Variants in ANKRD28 observed in about 807,000 individuals in gnomAD.
ANKRD28 encodes ankyrin repeat domain 28.
ANKRD28 carries 44 observed loss-of-function variants against 126.5 expected under a neutral mutation model. That is an observed-to-expected ratio of 0.35 (90% CI 0.27 to 0.45). The LOEUF (loss-of-function observed/expected upper bound fraction) is 0.45, where lower values mean the gene tolerates loss of function less well. ANKRD28 is among the 20% of genes least tolerant of loss of function. The pLI, the probability that ANKRD28 is intolerant of heterozygous loss-of-function variation, is 1.00. For synonymous variants in ANKRD28, 442 were observed against 468.5 expected (o/e 0.94, Z 0.73); for missense variants, 1,110 against 1,316.6 (o/e 0.84, Z 2.43).
At chr3:15,737,508 A>G (rs2075099915) in intron 4 of ANKRD28, among the ~76,000 whole-genome samples, 1 of 152,256 alleles carries the variant, frequency 6.6e-6, no homozygotes, top group Non-Finnish European at 1.5e-5. Flanking sequence ...AAACATTCCT[A>G]TCAAAATGTG....
At chr3:15,707,796 A>AT in intron 14 of ANKRD28, 128 bp downstream of exon 14, 1 of 1,142,098 alleles carries the variant, frequency 8.8e-7, no homozygotes, top group Non-Finnish European at 1.2e-6. Flanking sequence ...TTCCCAAAAT[A>AT]GACTTAGGGC....
chr3:15,754,887 C>A (rs143436319), intron 3 of ANKRD28, among the ~76,000 whole-genome samples: 2 of 152,184 alleles, frequency 1.3e-5, no homozygotes, highest in East Asian at 1.9e-4. Context: ...GAGACCAAGG[C>A]GGGCAAATCA....
chr3:15,838,270 C>T lies in ANKRD28; in HGVS notation c.27+21107G>A, dbSNP rs2061361979. The stretch of plus-strand genomic sequence containing the variant: ...ACACTTTCTAATTCCCTCCATGAGG[C>T]TAACATTACCTTAATACCAAAGCCA... On this transcript the variant is annotated intron_variant, in intron 1 of 27. Transcript: ENST00000399451. This position sits in a 1 kb window ranked among gnomAD's most constrained non-coding sequence, Gnocchi z 4.0. Among the ~76,000 whole-genome samples the T allele has an allele frequency of 6.6e-6, 1 of 152,156 alleles. No individual in the cohort carries two copies. Among genetic ancestry groups the T allele is most frequent in the African/African-American group, 2.4e-5 (1 of 41,432 alleles).
At chr3:15,778,679 T>C (rs893782613) in intron 2 of ANKRD28, among the ~76,000 whole-genome samples, 1 of 152,170 alleles carries the variant, frequency 6.6e-6, no homozygotes, top group Non-Finnish European at 1.5e-5. Flanking sequence ...TTCATGTGAT[T>C]AGGGCACACC....
At position 15,814,671 on chromosome 3, in the gene ANKRD28, T is replaced by C. The variant is rs2060796133; in HGVS notation, c.28-19365A>G. On this transcript the variant is annotated intron_variant, in intron 1 of 27. Coordinates refer to the ANKRD28 transcript ENST00000399451. This position sits in a 1 kb window ranked among gnomAD's most constrained non-coding sequence, Gnocchi z 4.7. ...TACACACACAAACTTTTCAAATGCA[T>C]TCACTAATAATATATTCAGTTACTT... Among the ~76,000 whole-genome samples, 2 of 151,864 alleles carry C rather than the reference T, an allele frequency of 1.3e-5. No homozygotes were observed. Among genetic ancestry groups the C allele is most frequent in the Non-Finnish European group, 2.9e-5 (2 of 67,884 alleles).
chr3:15,760,758 G>C (rs979775095), intron 3 of ANKRD28, among the ~76,000 whole-genome samples: 4 of 152,140 alleles, frequency 2.6e-5, no homozygotes, highest in Non-Finnish European at 5.9e-5. Flanking sequence ...TAAAAACCTA[G>C]AAATAACAAA....
intron 6 of ANKRD28, chr3:15,732,949 G>A (rs2074749281): frequency 6.6e-6 from 1 of 152,270 alleles, no homozygotes; most frequent in South Asian, 2.1e-4. Context: ...CCGATCACCT[G>A]AAGTCAGGAG....
At chr3:15,711,853 AT>A (rs1164091794) in intron 11 of ANKRD28, among the ~76,000 whole-genome samples, 9 of 126,976 alleles carry the variant, frequency 7.1e-5, no homozygotes, top group African/African-American at 1.8e-4. Flanking sequence ...CGCCCAGCTA[AT>A]TTTTTTTTGT....
chr3:15,759,465 T>C (rs1053645905), intron 3 of ANKRD28, among the ~76,000 whole-genome samples: 3 of 152,212 alleles, frequency 2.0e-5, no homozygotes, highest in African/African-American at 7.2e-5. Flanking sequence ...CTAGTATTAC[T>C]ATAGATTCTA....
intron 6 of ANKRD28, among the ~76,000 whole-genome samples, chr3:15,728,694 T>A (rs1012067129): frequency 2.6e-5 from 4 of 152,214 alleles, no homozygotes; most frequent in African/African-American, 9.6e-5. Context: ...AAACTCACAA[T>A]CTCTCTGATC....
intron 1 of ANKRD28, among the ~76,000 whole-genome samples, chr3:15,855,638 A>G (rs1435962736): frequency 6.6e-6 from 1 of 152,220 alleles, no homozygotes; most frequent in East Asian, 1.9e-4. Context: ...CGTGCACAAC[A>G]TGGAAGAACC....
chr3:15,677,907 G>A (rs1339915313), intron 24 of ANKRD28, among the ~76,000 whole-genome samples: 1 of 152,052 alleles, frequency 6.6e-6, no homozygotes, highest in African/African-American at 2.4e-5. Flanking sequence ...TTTTATAAAT[G>A]AGAAAACTGA....
chr3:15,762,588 G>A (rs1009383539), intron 3 of ANKRD28, among the ~76,000 whole-genome samples: 1 of 151,862 alleles, frequency 6.6e-6, no homozygotes, highest in Non-Finnish European at 1.5e-5. Flanking sequence ...CCCCCAGTAG[G>A]TAAGTCATTC....
chr3:15,784,501 TA>T (rs74656464), intron 2 of ANKRD28, among the ~76,000 whole-genome samples: 20,771 of 148,006 alleles, frequency 0.14, 2,143 homozygotes, highest in East Asian at 0.58. Flanking sequence ...GACATTTACT[TA>T]AAAAAAAAAG....
chr3:15,806,338 C>T (rs560927253), intron 1 of ANKRD28, among the ~76,000 whole-genome samples: 11 of 152,192 alleles, frequency 7.2e-5, no homozygotes, highest in East Asian at 1.9e-4. Flanking sequence ...TTGTTAAATC[C>T]GCTATCAGTT....
At chr3:15,795,858 T>C (rs1350215917) in intron 1 of ANKRD28, among the ~76,000 whole-genome samples, 3 of 152,078 alleles carry the variant, frequency 2.0e-5, no homozygotes, top group Non-Finnish European at 2.9e-5. Flanking sequence ...GACAAACACA[T>C]GCATAACTAA....
chr3:15,752,211 C>T (rs957404210), intron 3 of ANKRD28, among the ~76,000 whole-genome samples: 9 of 152,052 alleles, frequency 5.9e-5, no homozygotes, highest in African/African-American at 2.2e-4. Context: ...GTCTTCATTA[C>T]ATTTCTTTAC....
At chr3:15,720,391 C>T (rs1250038878) in intron 8 of ANKRD28, among the ~76,000 whole-genome samples, 7 of 152,156 alleles carry the variant, frequency 4.6e-5, no homozygotes, top group African/African-American at 1.7e-4. Context: ...TCTATCCTTC[C>T]ATCCACCCAG....
At chr3:15,782,528 T>C (rs566883832) in intron 2 of ANKRD28, among the ~76,000 whole-genome samples, 1 of 152,170 alleles carries the variant, frequency 6.6e-6, no homozygotes, top group South Asian at 2.1e-4. Context: ...GGTCAATCCT[T>C]CAAGAGGAAT....
Sources: gnomAD v4.1 joint callset for allele counts (sites outside exome capture counted in the v4.1 genomes callset) on GRCh38, gnomAD v4.1.1 for gene constraint, Gnocchi (gnomAD v3.1) non-coding constraint, MANE v1.5 for transcripts, NCBI Gene and HGNC (gene_info 2026-07-23, HGNC 2026-07-21) for gene names.